Variants in RAB20 observed in about 807,000 individuals in gnomAD.
RAB20 encodes ras-related protein Rab-20.
RAB20 carries 2 observed loss-of-function variants against 3.7 expected under a neutral mutation model. The observed-to-expected ratio is 0.54, with a 90% CI of 0.22 to 1.69. RAB20 has a LOEUF of 1.69. Ranked by LOEUF, RAB20 falls within the 40% of genes most tolerant of loss-of-function variation. RAB20 has a pLI of 0.19. For missense variants in RAB20, 276 were observed against 311.9 expected, an observed-to-expected ratio of 0.88 and a Z score of 0.87; for synonymous variants, 126 against 130.8, an observed-to-expected ratio of 0.96 and a Z score of 0.25.
intron 1 of RAB20, among the ~76,000 whole-genome samples, chr13:110,524,735 A>G (rs762986745): frequency 1.3e-5 from 2 of 152,180 alleles, no homozygotes; most frequent in Non-Finnish European, 2.9e-5. Context: ...TTCTGAGTTC[A>G]TAACAGCAGT....
chr13:110,537,137 C>A (rs142447868), intron 1 of RAB20, among the ~76,000 whole-genome samples: 1 of 151,746 alleles, frequency 6.6e-6, no homozygotes, highest in Non-Finnish European at 1.5e-5. Flanking sequence ...CACGCCACTA[C>A]GCCTGGGTAA....
rs1457171276 is a variant in RAB20 at position 110,523,659 on chromosome 13, C to G, written c.*6G>C. ...GCACAGTCTGAGTCCAGGAGGCCCT[C>G]GAAAGTCAGGCACAACACCCAGATC... On this transcript the variant is annotated 3_prime_UTR_variant, in exon 2 of 2. Transcript: ENST00000267328. 1.9e-6 allele frequency: 3 copies of G among 1,610,672 alleles called. No homozygotes were observed. The highest frequency in any genetic ancestry group is 1.3e-5 in the African/African-American group (1 of 74,878).
chr13:110,540,615 G>A (rs35169405), intron 1 of RAB20, among the ~76,000 whole-genome samples: 6 of 151,962 alleles, frequency 3.9e-5, no homozygotes, highest in Non-Finnish European at 7.4e-5. Flanking sequence ...AGTGGTGGGT[G>A]CCTCTAATCC....
intron 1 of RAB20, among the ~76,000 whole-genome samples, chr13:110,536,162 C>T (rs1325454284): frequency 6.6e-6 from 1 of 152,212 alleles, no homozygotes; most frequent in Admixed American, 6.5e-5. Flanking sequence ...CACAGCTCCG[C>T]AGGCAAGGAC....
Position 110,537,916 on chromosome 13 carries a change from C to A in RAB20, c.173-13719G>T, listed in dbSNP as rs149467570. 5.8e-3 allele frequency among the ~76,000 whole-genome samples: 889 copies of A among 152,258 alleles called. 8 individuals carry two copies. Among genetic ancestry groups the A allele is most frequent in the Middle Eastern group, 6.8e-3 (2 of 294 alleles). On this transcript the variant is annotated intron_variant, in intron 1 of 1. Transcript: ENST00000267328. ...CTCCAGCAAGCAGAGCCCAGGGCTC[C>A]TATTCCCAACAACCATGCTACACTA...
intron 1 of RAB20, among the ~76,000 whole-genome samples, chr13:110,532,862 G>T (rs1265761199): frequency 6.6e-6 from 1 of 152,082 alleles, no homozygotes; most frequent in Non-Finnish European, 1.5e-5. Flanking sequence ...TTATGTTTGT[G>T]TAGAGATGGG....
chr13:110,560,226 CTT>C (rs1463766307), intron 1 of RAB20, among the ~76,000 whole-genome samples: 1 of 152,146 alleles, frequency 6.6e-6, no homozygotes, highest in East Asian at 1.9e-4. Context: ...AAATGCACCT[CTT>C]TACCTGGGGG....
rs1313615388 is a variant in RAB20, at chr13:110,538,616, A to G, written c.173-14419T>C. ...TTCTCTCAAAAAAAAAAAAAAAAAAAAAGAAAGAAAAGAAAAGAAAAGAAA... is the reference window on the plus strand; with the variant it reads ...TTCTCTCAAAAAAAAAAAAAAAAAAGAAGAAAGAAAAGAAAAGAAAAGAAA... On this transcript the variant is annotated intron_variant, in intron 1 of 1. Transcript: ENST00000267328. 2.1e-3 allele frequency among the ~76,000 whole-genome samples: 281 copies of G among 133,952 alleles called. 5 individuals carry two copies. The highest frequency in any genetic ancestry group is 6.6e-3 in the African/African-American group (249 of 37,866). The allele number at this position is 133,952 out of a possible 152,430, so 87.9% of individuals were successfully genotyped here.
intron 1 of RAB20, among the ~76,000 whole-genome samples, chr13:110,542,168 G>A (rs1884775162): frequency 6.6e-6 from 1 of 152,122 alleles, no homozygotes. Context: ...AACGCTTGCT[G>A]TATTTTATTC....
chr13:110,561,092 G>A (rs1885120478), intron 1 of RAB20, among the ~76,000 whole-genome samples: 1 of 152,188 alleles, frequency 6.6e-6, no homozygotes, highest in East Asian at 1.9e-4. Context: ...CGCGGGGCTC[G>A]GGAGCAAAGG....
Position 110,555,087 on chromosome 13 carries a change from G to A in RAB20, c.172+6261C>T, listed in dbSNP as rs971492964. Among the ~76,000 whole-genome samples the A allele has an allele frequency of 6.6e-6, 1 of 152,180 alleles. No homozygotes were observed. The highest frequency in any genetic ancestry group is 2.4e-5 in the African/African-American group (1 of 41,450). On this transcript the variant is annotated intron_variant, in intron 1 of 1. Transcript: ENST00000267328. The surrounding 1 kb of genome is among the most constrained non-coding windows in gnomAD (Gnocchi z 4.0). The stretch of plus-strand genomic sequence containing the variant: ...GCAACGTTGACGCCTCCCAGGAGGA[G>A]CCTTGTGAAAAGGATGTAGCCCGGG...
intron 1 of RAB20, among the ~76,000 whole-genome samples, chr13:110,551,219 A>G (rs1223520847): frequency 6.6e-6 from 1 of 152,232 alleles, no homozygotes; most frequent in Non-Finnish European, 1.5e-5. Context: ...AAAAACAGAC[A>G]ACCAGCAGTA....
chr13:110,544,654 G>A (rs779322437), intron 1 of RAB20, among the ~76,000 whole-genome samples: 24 of 152,334 alleles, frequency 1.6e-4, no homozygotes, highest in Non-Finnish European at 2.5e-4. Context: ...GACGTGTGGC[G>A]CAGACAGACG....
At chr13:110,532,615 G>T (rs1466924296) in intron 1 of RAB20, among the ~76,000 whole-genome samples, 1 of 151,914 alleles carries the variant, frequency 6.6e-6, no homozygotes, top group Non-Finnish European at 1.5e-5. Context: ...GACCTCAAGT[G>T]ATCCACCCAC....
chr13:110,528,354 T>G (rs554562378), intron 1 of RAB20, among the ~76,000 whole-genome samples: 1 of 143,762 alleles, frequency 7.0e-6, no homozygotes, highest in South Asian at 2.2e-4. Context: ...AGGCGGAGGT[T>G]GCGGTGAGCT....
intron 1 of RAB20, among the ~76,000 whole-genome samples, chr13:110,547,713 G>A (rs1397317316): frequency 6.6e-6 from 1 of 152,174 alleles, no homozygotes; most frequent in Non-Finnish European, 1.5e-5. Flanking sequence ...GATTAAAGGA[G>A]CTAAAATGGG....
chr13:110,553,201 T>C (rs554054471), intron 1 of RAB20, among the ~76,000 whole-genome samples: 25 of 152,336 alleles, frequency 1.6e-4, no homozygotes, highest in African/African-American at 5.8e-4. Flanking sequence ...GTTTTGCAGG[T>C]TGACCTTCCA....
rs1287327088 is a variant in RAB20, at chr13:110,561,602, G to C, written c.-83C>G. The C allele has an allele frequency of 1.3e-6, 2 of 1,486,886 alleles. No homozygotes were observed. Among genetic ancestry groups the C allele is most frequent in the African/African-American group, 1.5e-5 (1 of 68,082 alleles). 92.1% of individuals were successfully genotyped at this position (1,486,886 alleles called of 1,614,324 possible). A position where few individuals can be genotyped will look rare whatever the true frequency, so the allele number is the denominator to read the frequency against. ...GCGCCCTGGGCGCAGCTGGAGGAGCGGACCCCGGACTCGCCGGGACCCGGA... is the reference window on the plus strand; with the variant it reads ...GCGCCCTGGGCGCAGCTGGAGGAGCCGACCCCGGACTCGCCGGGACCCGGA... On this transcript the variant is annotated 5_prime_UTR_variant, in exon 1 of 2. Transcript: ENST00000267328.
At chr13:110,550,393 C>A (rs2139587879) in intron 1 of RAB20, among the ~76,000 whole-genome samples, 1 of 152,314 alleles carries the variant, frequency 6.6e-6, no homozygotes, top group South Asian at 2.1e-4. Context: ...GTCGTGGGAA[C>A]CCCCACCTGA....
Sources: allele counts gnomAD v4.1 joint callset (sites outside exome capture counted in the v4.1 genomes callset), GRCh38; gene constraint gnomAD v4.1.1; non-coding constraint Gnocchi (gnomAD v3.1); transcripts MANE v1.5; gene names NCBI Gene and HGNC (gene_info 2026-07-23, HGNC 2026-07-21).